The following KLHDC4 variants were observed in gnomAD, a reference collection of about 807,000 sequenced individuals.
The protein encoded by KLHDC4 is kelch domain-containing protein 4.
In KLHDC4, 90 loss-of-function variants were observed where a neutral mutation model predicts 62.4. The observed-to-expected ratio is 1.44, with a 90% CI of 1.22 to 1.72. The LOEUF (loss-of-function observed/expected upper bound fraction) is 1.72, where lower values mean the gene tolerates loss of function less well. Ranked by LOEUF, KLHDC4 falls within the 40% of genes most tolerant of loss-of-function variation. The pLI is 0.00. For missense variants in KLHDC4, 1,025 were observed against 699.7 expected (o/e 1.47, Z -5.25); for synonymous variants, 386 against 284.4 (o/e 1.36, Z -3.59).
At chr16:87,707,552 G>A (rs917215733), downstream of KLHDC4, among the ~76,000 whole-genome samples, 1 of 152,212 alleles carries the variant, frequency 6.6e-6, no homozygotes, top group Admixed American at 6.5e-5. Flanking sequence ...TCAGTTTCAG[G>A]CATCAGAGGC....
chr16:87,753,233 G>T (rs920291465), intron 4 of KLHDC4, among the ~76,000 whole-genome samples: 1 of 152,224 alleles, frequency 6.6e-6, no homozygotes, highest in African/African-American at 2.4e-5. Flanking sequence ...CTGCACCCTG[G>T]GAGGGTGAGA....
chr16:87,761,232 C>A (rs989713690), intron 2 of KLHDC4, among the ~76,000 whole-genome samples: 4 of 152,204 alleles, frequency 2.6e-5, no homozygotes, highest in Admixed American at 6.5e-5. Context: ...CACCTCTGGG[C>A]AGGTGATGAT....
At chr16:87,721,368 T>G (rs1411227862) in intron 7 of KLHDC4, among the ~76,000 whole-genome samples, 6 of 143,454 alleles carry the variant, frequency 4.2e-5, no homozygotes, top group African/African-American at 1.6e-4. Context: ...GCGCCGAGAT[T>G]GCCCCACTGC....
At chr16:87,755,503 C>G (rs2044734433) in intron 3 of KLHDC4, 1 of 437,822 alleles carries the variant, frequency 2.3e-6, no homozygotes, top group East Asian at 4.6e-5. Context: ...GCCCATCAAT[C>G]TGGAAGGTAC....
Position 87,709,515 on chromosome 16 carries a change from C to T in KLHDC4, c.1197G>A (p.Lys399=), listed in dbSNP as rs372156000. 162 of 1,612,142 alleles carry T rather than the reference C, an allele frequency of 1.0e-4. No individual in the cohort carries two copies. The highest frequency in any genetic ancestry group is 1.3e-4 in the Non-Finnish European group (156 of 1,179,974). ...VAEDGTVVTI[K]QVLTAPGSAG... is the part of the protein sequence containing the mutation. ...CCGAGCCTGGCGCGGTGAGCACCTGCTTAATGGTGACCACGGTGCCATCCT... is the reference window on the plus strand; with the variant it reads ...CCGAGCCTGGCGCGGTGAGCACCTGTTTAATGGTGACCACGGTGCCATCCT... Residue 399 remains lysine, a synonymous_variant, in exon 10 of 12, where the codon AAG becomes AAA. Transcript: ENST00000270583.
At chr16:87,700,466 G>C (rs546305318) in exon 1 of KLHDC4, 1 of 163,586 alleles carries the variant, frequency 6.1e-6, no homozygotes, top group African/African-American at 2.4e-5. Flanking sequence ...AAGGCGGAGG[G>C]AGGAGGGCAG....
At chr16:87,764,941 G>C in intron 1 of KLHDC4, 1 of 356,632 alleles carries the variant, frequency 2.8e-6, no homozygotes, top group Admixed American at 3.7e-5. Context: ...GGAAGAAAAG[G>C]GACAAAGGAC....
intron 9 of KLHDC4, 193 bp from the exon 10 acceptor site, chr16:87,709,860 C>G (rs550394138): frequency 1.5e-6 from 1 of 652,044 alleles, no homozygotes; most frequent in East Asian, 2.8e-5. Context: ...CTGTCTCCCA[C>G]TAGCCTCGCC....
chr16:87,746,128 G>A lies in KLHDC4; in HGVS notation c.506+2545C>T, dbSNP rs116719876. 2.5e-3 allele frequency among the ~76,000 whole-genome samples: 378 copies of A among 152,048 alleles called. 4 individuals are homozygous for A. The highest frequency in any genetic ancestry group is 8.8e-3 in the African/African-American group (364 of 41,450). On this transcript the variant is annotated intron_variant, in intron 5 of 11. Coordinates refer to ENST00000270583, the MANE Select transcript of KLHDC4 (RefSeq NM_017566.4). ...AAAGAAAAAAAAATTTAATTAGCCCGGCACGGTGGTGCACGCCTGTAATCC... is the reference window on the plus strand; with the variant it reads ...AAAGAAAAAAAAATTTAATTAGCCCAGCACGGTGGTGCACGCCTGTAATCC...
chr16:87,760,261 G>C (rs1052212805), intron 2 of KLHDC4, among the ~76,000 whole-genome samples: 2 of 150,104 alleles, frequency 1.3e-5, no homozygotes, highest in East Asian at 3.9e-4. Flanking sequence ...AAAAAGGCCA[G>C]GTACGGTGAC....
chr16:87,711,580 C>T (rs1032458492), intron 8 of KLHDC4, 137 bp from the exon 9 acceptor site: 3 of 678,312 alleles, frequency 4.4e-6, no homozygotes, highest in Non-Finnish European at 7.3e-6. Context: ...AAAAACTCTG[C>T]TCCCTCTGCA....
exon 1 of KLHDC4, chr16:87,699,766 C>G (rs1440029730): frequency 6.6e-6 from 1 of 152,294 alleles, no homozygotes; most frequent in Non-Finnish European, 1.5e-5. Context: ...CCCTGTAAGG[C>G]CCCAAGCCAG....
exon 1 of KLHDC4, chr16:87,700,739 G>A (rs1201629133): frequency 4.6e-6 from 1 of 218,988 alleles, no homozygotes; most frequent in Non-Finnish European, 8.5e-6. Flanking sequence ...GGGCGGAGGG[G>A]AGGAGGATGC....
At position 87,714,546 on chromosome 16, in the gene KLHDC4, T is replaced by C. The variant is rs199998985; in HGVS notation, c.787A>G (p.Thr263Ala). The C allele has an allele frequency of 1.2e-6, 2 of 1,614,080 alleles. No individual in the cohort carries two copies. The highest frequency in any genetic ancestry group is 1.7e-6 in the Non-Finnish European group (2 of 1,180,030). Reference sequence around the variant, plus strand: ...AGCAGGAACATGTCTGAGTGCCGTGTGCCCTTGTCCACGTCTTTCTTAACT... The same window carrying C: ...AGCAGGAACATGTCTGAGTGCCGTGCGCCCTTGTCCACGTCTTTCTTAACT... ...QRVKKDVDKG[T>A]RHSDMFLLKP... The change falls in exon 8 of 12, where the codon ACA becomes GCA. Residue 263 changes from threonine to alanine, a missense_variant. Physicochemically the swap from Thr to Ala is moderately conservative, Grantham distance 58. Transcript: ENST00000270583.
At chr16:87,714,226 T>C (rs988955584) in intron 8 of KLHDC4, among the ~76,000 whole-genome samples, 2 of 152,190 alleles carry the variant, frequency 1.3e-5, no homozygotes, top group African/African-American at 2.4e-5. Context: ...CTGTGCTCAC[T>C]GCTCCACAGA....
At chr16:87,745,866 G>A (rs911514187) in intron 5 of KLHDC4, among the ~76,000 whole-genome samples, 2 of 152,178 alleles carry the variant, frequency 1.3e-5, no homozygotes, top group Non-Finnish European at 2.9e-5. Flanking sequence ...TGTGCGTCTC[G>A]TCAGGGTCTT....
intron 7 of KLHDC4, among the ~76,000 whole-genome samples, chr16:87,715,014 T>G (rs1402137975): frequency 6.6e-6 from 1 of 152,232 alleles, no homozygotes; most frequent in African/African-American, 2.4e-5. Flanking sequence ...CACTGCCCAC[T>G]GAAAGACTTC....
At chr16:87,714,722 G>A (rs2036593597) in intron 7 of KLHDC4, 149 bp from the exon 8 acceptor site, 3 of 797,916 alleles carry the variant, frequency 3.8e-6, no homozygotes, top group East Asian at 2.6e-5. Flanking sequence ...CCTGCAGTGT[G>A]CTCAGGGCTG....
intron 1 of KLHDC4, among the ~76,000 whole-genome samples, chr16:87,763,004 C>T (rs537306635): frequency 2.0e-4 from 30 of 152,296 alleles, no homozygotes; most frequent in African/African-American, 7.2e-4. Context: ...CAGCCTGCCA[C>T]GCCCCACCTC....
Sources: allele counts gnomAD v4.1 joint callset (sites outside exome capture counted in the v4.1 genomes callset), GRCh38; gene constraint gnomAD v4.1.1; transcripts MANE v1.5; gene names NCBI Gene and HGNC (gene_info 2026-07-23, HGNC 2026-07-21).